DNAAF1: variants seen among roughly 807,000 people sequenced by gnomAD.
DNAAF1 encodes dynein axonemal assembly factor 1, also known as dynein assembly factor 1, axonemal.
DNAAF1 carries 65 observed loss-of-function variants against 71.1 expected under a neutral mutation model. The observed-to-expected ratio is 0.91, with a 90% CI of 0.75 to 1.12. The LOEUF (loss-of-function observed/expected upper bound fraction) is 1.12. Among genes scored for constraint, DNAAF1 ranks in the 50% most tolerant of loss-of-function variants. The pLI, the probability that DNAAF1 is intolerant of heterozygous loss-of-function variation, is 0.00. For synonymous variants in DNAAF1, 414 were observed against 354.6 expected, an observed-to-expected ratio of 1.17 and a Z score of -1.88; for missense variants, 1,178 against 899.8, an observed-to-expected ratio of 1.31 and a Z score of -3.96.
At chr16:84,154,999 C>A (rs2087349086) in intron 4 of DNAAF1, among the ~76,000 whole-genome samples, 1 of 151,778 alleles carries the variant, frequency 6.6e-6, no homozygotes, top group Non-Finnish European at 1.5e-5. Context: ...AGCTCTGCCT[C>A]CCGGGTTCAT....
At chr16:84,172,202 C>G in intron 8 of DNAAF1, 58 bp from the exon 9 acceptor site, 2 of 1,530,916 alleles carry the variant, frequency 1.3e-6, no homozygotes, top group Non-Finnish European at 1.8e-6. Context: ...TCACCGTAGG[C>G]TCGTCCATCT....
chr16:84,176,114 A>G lies in DNAAF1; in HGVS notation c.1880A>G (p.Lys627Arg). ...GTGCCCTTCACAGACATCTTTAAAAAAGAAGCTAAGAGGGACTTGGAAATC... is the reference window on the plus strand; with the variant it reads ...GTGCCCTTCACAGACATCTTTAAAAGAGAAGCTAAGAGGGACTTGGAAATC... ...ARVPFTDIFKKEAKRDLEIRK... is the reference protein window; with the variant it reads ...ARVPFTDIFKREAKRDLEIRK... The change falls in exon 11 of 12, where the codon AAA becomes AGA. Residue 627 changes from lysine (K) to arginine (R), a missense_variant. Coordinates refer to ENST00000378553, the MANE Select transcript of DNAAF1 (RefSeq NM_178452.6). 1 of 1,614,030 alleles carries G rather than the reference A, an allele frequency of 6.2e-7. No individual in the cohort carries two copies. The highest frequency in any genetic ancestry group is 8.5e-7 in the Non-Finnish European group (1 of 1,179,962).
At chr16:84,156,248 C>A (rs2087421976) in intron 5 of DNAAF1, among the ~76,000 whole-genome samples, 1 of 152,232 alleles carries the variant, frequency 6.6e-6, no homozygotes, top group Admixed American at 6.5e-5. Context: ...CAGGCAAGAG[C>A]CATTGTGCCC....
At chr16:84,152,373 C>T (rs763960811) in intron 3 of DNAAF1, among the ~76,000 whole-genome samples, 3 of 152,318 alleles carry the variant, frequency 2.0e-5, no homozygotes, top group Non-Finnish European at 4.4e-5. Context: ...TGACTTAAGG[C>T]CAGGCGTGGT....
At chr16:84,154,248 C>A (rs2087310892) in intron 3 of DNAAF1, among the ~76,000 whole-genome samples, 2 of 152,144 alleles carry the variant, frequency 1.3e-5, no homozygotes, top group African/African-American at 4.8e-5. Context: ...AAGCTACTGG[C>A]AGATTTGGTG....
At chr16:84,159,615 TATAAA>T in intron 5 of DNAAF1, 55 bp from the exon 6 acceptor site, 1 of 1,554,990 alleles carries the variant, frequency 6.4e-7, no homozygotes, top group East Asian at 2.4e-5. Context: ...GCACAGCACA[TATAAA>T]ATAATTCAAT....
intron 8 of DNAAF1, among the ~76,000 whole-genome samples, chr16:84,170,727 G>A (rs2088286316): frequency 6.6e-6 from 1 of 152,110 alleles, no homozygotes; most frequent in Admixed American, 6.5e-5. Context: ...AGCTACTCAG[G>A]AGGCTGAGGC....
At chr16:84,176,582 C>A (rs2088678617) in intron 11 of DNAAF1, 1 of 526,398 alleles carries the variant, frequency 1.9e-6, no homozygotes, top group East Asian at 3.4e-5. Context: ...TGTGGTCATG[C>A]AGATCTCCTG....
chr16:84,145,349 G>A lies in DNAAF1; in HGVS notation c.-92G>A, dbSNP rs1020058258. On this transcript the variant is annotated 5_prime_UTR_variant, in exon 1 of 12. Coordinates refer to ENST00000378553, the MANE Select transcript of DNAAF1 (RefSeq NM_178452.6). ...CAGCGGCTGGCGAAGAAGGAAAGAG[G>A]GTACTCTCTGGCTGGGCTGGGGCCG... is the stretch of plus-strand genomic sequence containing the variant. The A allele has an allele frequency of 2.0e-6, 3 of 1,534,028 alleles. No homozygotes were observed. The highest frequency in any genetic ancestry group is 2.6e-6 in the Non-Finnish European group (3 of 1,141,652).
At chr16:84,146,959 C>T (rs1302402244) in intron 1 of DNAAF1, among the ~76,000 whole-genome samples, 2 of 152,138 alleles carry the variant, frequency 1.3e-5, no homozygotes, top group African/African-American at 4.8e-5. Context: ...TATGAGGAGC[C>T]ATAGGGAACT....
chr16:84,145,556 G>A lies in DNAAF1; in HGVS notation c.116G>A (p.Cys39Tyr). 1 of 1,548,260 alleles carries A rather than the reference G, an allele frequency of 6.5e-7. No individual in the cohort carries two copies. The highest frequency in any genetic ancestry group is 8.7e-7 in the Non-Finnish European group (1 of 1,146,846). ...CACGGGAGCGCAGGCCGAGGGGGCTGCAAGGAAGGTGCCGACTGCCCCCCA... is the reference window on the plus strand; with the variant it reads ...CACGGGAGCGCAGGCCGAGGGGGCTACAAGGAAGGTGCCGACTGCCCCCCA... ...GDHGSAGRGG[C>Y]KEEINDPKEI... The change falls in exon 1 of 12, where the codon TGC (cysteine) becomes TAC (tyrosine). Residue 39 changes from cysteine (C) to tyrosine (Y), a missense_variant. By Grantham distance (194) the Cys-to-Tyr change is radical. Transcript: ENST00000378553.
chr16:84,171,497 A>T (rs2088342148), intron 8 of DNAAF1, among the ~76,000 whole-genome samples: 1 of 152,150 alleles, frequency 6.6e-6, no homozygotes, highest in African/African-American at 2.4e-5. Context: ...AGGGGCCTGG[A>T]TGAGGAAGGG....
chr16:84,162,841 C>G (rs1448826566), intron 6 of DNAAF1, among the ~76,000 whole-genome samples: 1 of 151,510 alleles, frequency 6.6e-6, no homozygotes, highest in African/African-American at 2.4e-5. Context: ...AAAAGAAATA[C>G]CATCCCCATT....
intron 3 of DNAAF1, among the ~76,000 whole-genome samples, chr16:84,152,410 TGG>T (rs2087227691): frequency 6.6e-6 from 1 of 152,100 alleles, no homozygotes; most frequent in African/African-American, 2.4e-5. Context: ...CCCAGCAATG[TGG>T]GAGGCCAAGG....
In DNAAF1 at chr16:84,151,263, G is replaced by A. The variant is rs544620250; in HGVS notation, c.352+921G>A. Among the ~76,000 whole-genome samples, 5 of 152,254 alleles carry A rather than the reference G, an allele frequency of 3.3e-5. No individual in the cohort carries two copies. In the East Asian group the frequency reaches 9.7e-4, roughly 29 times the overall value. On this transcript the variant is annotated intron_variant, in intron 3 of 11. Coordinates refer to ENST00000378553, the MANE Select transcript of DNAAF1 (RefSeq NM_178452.6). ...TGCTCAGTGCTGAAAATGCACAGAGGGAACCGGCAAAGGTGCCTTTGGTGT... is the reference window on the plus strand; with the variant it reads ...TGCTCAGTGCTGAAAATGCACAGAGAGAACCGGCAAAGGTGCCTTTGGTGT...
chr16:84,176,351 T>G, intron 11 of DNAAF1, 52 bp downstream of exon 11: 2 of 1,610,642 alleles, frequency 1.2e-6, no homozygotes, highest in Non-Finnish European at 1.7e-6. Flanking sequence ...CTCCCCGGCC[T>G]GGGATGGGTG....
chr16:84,146,291 C>T (rs993211426), intron 1 of DNAAF1, among the ~76,000 whole-genome samples: 2 of 152,166 alleles, frequency 1.3e-5, no homozygotes, highest in Admixed American at 1.3e-4. Flanking sequence ...CATGTTGTGT[C>T]AGGGCAAGAC....
chr16:84,170,214 A>G lies in DNAAF1; in HGVS notation c.1386A>G (p.Gln462=), dbSNP rs2088255330. 6.2e-7 allele frequency: 1 copy of G among 1,612,812 alleles called. No homozygotes were observed. The highest frequency in any genetic ancestry group is 1.3e-5 in the African/African-American group (1 of 74,708). ...AGGTTAAAGGAGAGGATGGAGATCA[A>G]GAGCCAGAGGGGACCCTCCCAGCTG... is the stretch of plus-strand genomic sequence containing the variant. ...PVEVKGEDGD[Q]EPEGTLPAET... The change falls in exon 8 of 12, where the codon CAA becomes CAG. Residue 462 remains glutamine, a synonymous_variant. Transcript: ENST00000378553.
chr16:84,165,826 AAGG>A lies in DNAAF1; in HGVS notation c.913_915del (p.Glu305del). 6.2e-7 allele frequency: 1 copy of A among 1,613,628 alleles called. No individual in the cohort carries two copies. Reference sequence around the variant, plus strand: ...GGCTAGGGGAGGGTACGCAGCTGAAAAGGAGGAGAGACAGCAGTGGGAGAGCAG... The same window carrying A: ...GGCTAGGGGAGGGTACGCAGCTGAAAAGGAGAGACAGCAGTGGGAGAGCAG... On this transcript the variant is annotated inframe_deletion, in exon 7 of 12. Coordinates refer to ENST00000378553, the MANE Select transcript of DNAAF1 (RefSeq NM_178452.6).
Sources: allele counts gnomAD v4.1 joint callset (sites outside exome capture counted in the v4.1 genomes callset), GRCh38; gene constraint gnomAD v4.1.1; transcripts MANE v1.5; gene names NCBI Gene and HGNC (gene_info 2026-07-23, HGNC 2026-07-21).